WASHC5: variants seen among roughly 807,000 people sequenced by gnomAD.
WASHC5 encodes WASH complex subunit 5.
Under a neutral mutation model 150.4 loss-of-function variants are expected in WASHC5, and 101 were observed. The observed-to-expected ratio is 0.67, with a 90% CI of 0.57 to 0.79. The LOEUF (loss-of-function observed/expected upper bound fraction) is 0.79, where lower values mean the gene tolerates loss of function less well. Among genes scored for constraint, WASHC5 ranks in the 30% least tolerant of loss-of-function variants. The pLI is 0.00. For synonymous variants in WASHC5, 467 were observed against 491.2 expected, an observed-to-expected ratio of 0.95 and a Z score of 0.65; for missense variants, 1,195 against 1,396.3, an observed-to-expected ratio of 0.86 and a Z score of 2.30.
chr8:125,062,506 A>G (rs1354831576), intron 11 of WASHC5, among the ~76,000 whole-genome samples: 1 of 152,234 alleles, frequency 6.6e-6, no homozygotes, highest in African/African-American at 2.4e-5. Flanking sequence ...TCACAATATG[A>G]TAACCATAAT....
At chr8:125,038,230 T>C (rs752671367) in intron 25 of WASHC5, among the ~76,000 whole-genome samples, 7 of 152,156 alleles carry the variant, frequency 4.6e-5, no homozygotes, top group Admixed American at 2.0e-4. Context: ...AAAGATAATA[T>C]AGGGGCTGGC....
intron 23 of WASHC5, 58 bp from the exon 24 acceptor site, chr8:125,039,956 G>A (rs1815838586): frequency 8.0e-6 from 9 of 1,127,786 alleles, no homozygotes; most frequent in Non-Finnish European, 1.1e-5. Flanking sequence ...GAGTGACAGT[G>A]AGGAGGTAAA....
intron 13 of WASHC5, 32 bp from the exon 14 acceptor site, chr8:125,059,329 T>G (rs749047632): frequency 6.2e-7 from 1 of 1,613,588 alleles, no homozygotes; most frequent in South Asian, 1.1e-5. Context: ...TAAGAAGATG[T>G]TCCTAGGGCC....
At chr8:125,035,251 G>A (rs557729280) in intron 26 of WASHC5, among the ~76,000 whole-genome samples, 1 of 152,294 alleles carries the variant, frequency 6.6e-6, no homozygotes, top group East Asian at 1.9e-4. Flanking sequence ...GTTGTGTTAT[G>A]TTTTAAGATC....
chr8:125,057,429 T>C, intron 15 of WASHC5, 127 bp downstream of exon 15: 2 of 715,852 alleles, frequency 2.8e-6, no homozygotes, highest in South Asian at 3.1e-5. Context: ...GTGTTGCAAA[T>C]TTCTGGAATC....
chr8:125,059,687 G>A (rs1450144249), intron 12 of WASHC5, 145 bp from the exon 13 acceptor site: 15 of 664,914 alleles, frequency 2.3e-5, no homozygotes, highest in African/African-American at 5.5e-5. Flanking sequence ...TTTCAGAAAC[G>A]TGAGCCAAGC....
intron 14 of WASHC5, among the ~76,000 whole-genome samples, chr8:125,058,973 A>G (rs1035242609): frequency 1.1e-4 from 16 of 152,340 alleles, no homozygotes; most frequent in Middle Eastern, 3.4e-3. Context: ...ACTTAAAAAA[A>G]AATCTATTCT....
At chr8:125,030,637 T>TA (rs71295816) in intron 27 of WASHC5, among the ~76,000 whole-genome samples, 5,867 of 52,766 alleles carry the variant, frequency 0.11, 567 homozygotes, top group East Asian at 0.23. Flanking sequence ...CTCTTTCTCA[T>TA]AAAAAAAAAA....
At chr8:125,054,635 C>G (rs1055389871) in intron 17 of WASHC5, among the ~76,000 whole-genome samples, 1 of 151,802 alleles carries the variant, frequency 6.6e-6, no homozygotes, top group Non-Finnish European at 1.5e-5. Flanking sequence ...AGATCAAGAC[C>G]ACGGTGAAAC....
intron 5 of WASHC5, among the ~76,000 whole-genome samples, chr8:125,079,706 G>A (rs1450313402): frequency 1.3e-5 from 2 of 152,106 alleles, no homozygotes; most frequent in Non-Finnish European, 2.9e-5. Flanking sequence ...AATAATTCTG[G>A]AGGAAAATTT....
intron 9 of WASHC5, among the ~76,000 whole-genome samples, chr8:125,070,774 CAACA>C (rs1816875163): frequency 6.6e-6 from 1 of 152,118 alleles, no homozygotes; most frequent in African/African-American, 2.4e-5. Flanking sequence ...GGATATAGGC[CAACA>C]AACAAGATGA....
chr8:125,081,810 T>C, intron 4 of WASHC5, 49 bp from the exon 5 acceptor site: 1 of 1,069,234 alleles, frequency 9.4e-7, no homozygotes, highest in Non-Finnish European at 1.5e-6. Context: ...TATACATTCT[T>C]AGGGAGTAAA....
At chr8:125,062,657 C>G (rs956472676) in intron 11 of WASHC5, among the ~76,000 whole-genome samples, 3 of 152,108 alleles carry the variant, frequency 2.0e-5, no homozygotes, top group Non-Finnish European at 4.4e-5. Context: ...TTTGACCAAC[C>G]ACTCAGCATC....
Position 125,059,507 on chromosome 8 carries a change from T to C in WASHC5, c.1557A>G (p.Gln519=), listed in dbSNP as rs1374104992. Residue 519 remains glutamine, a synonymous_variant, in exon 13 of 29, where the codon CAA becomes CAG. Transcript: ENST00000318410. ...QEFHQLESNL[Q]VCQFLADTRK... ...GAGTATCGGCAAGAAACTGACATAC[T>C]TGCAGATTGGATTCCAACTGGTGGA... 4 of 1,613,892 alleles carry C rather than the reference T, an allele frequency of 2.5e-6. No individual in the cohort carries two copies. The highest frequency in any genetic ancestry group is 2.5e-6 in the Non-Finnish European group (3 of 1,179,960).
intron 28 of WASHC5, 91 bp from the exon 29 acceptor site, chr8:125,024,764 A>T: frequency 1.1e-6 from 1 of 882,510 alleles, no homozygotes; most frequent in South Asian, 1.4e-5. Context: ...CCTTGGAGCA[A>T]GGTGAATAAT....
chr8:125,068,924 A>G (rs780218745), intron 9 of WASHC5, among the ~76,000 whole-genome samples: 3 of 152,382 alleles, frequency 2.0e-5, no homozygotes, highest in South Asian at 2.1e-4. Context: ...AAAAATATTG[A>G]TATTTGCTTA....
chr8:125,071,727 A>G (rs1816901342), intron 9 of WASHC5, among the ~76,000 whole-genome samples: 1 of 152,144 alleles, frequency 6.6e-6, no homozygotes, highest in Non-Finnish European at 1.5e-5. Flanking sequence ...ACCTTGAATT[A>G]GTTTCCCGCT....
chr8:125,046,315 C>T (rs914173020), intron 20 of WASHC5, among the ~76,000 whole-genome samples: 12 of 152,204 alleles, frequency 7.9e-5, no homozygotes, highest in Non-Finnish European at 1.6e-4. Flanking sequence ...GGAAAACTGG[C>T]TCAGCTGGAC....
intron 19 of WASHC5, among the ~76,000 whole-genome samples, chr8:125,048,296 G>T (rs1273128159): frequency 6.6e-6 from 1 of 152,148 alleles, no homozygotes; most frequent in African/African-American, 2.4e-5. Flanking sequence ...CTTGCAGAGT[G>T]GCTCCTTGTT....
Sources: gnomAD v4.1 joint callset for allele counts (sites outside exome capture counted in the v4.1 genomes callset) on GRCh38, gnomAD v4.1.1 for gene constraint, MANE v1.5 for transcripts, NCBI Gene and HGNC (gene_info 2026-07-23, HGNC 2026-07-21) for gene names.